The following SLC12A1 variants were observed in gnomAD, a reference collection of about 807,000 sequenced individuals.
SLC12A1 encodes Na-K-2Cl cotransporter.
Under a neutral mutation model 130.4 loss-of-function variants are expected in SLC12A1, and 89 were observed. The observed-to-expected ratio is 0.68, with a 90% CI of 0.58 to 0.81. The LOEUF is 0.81. Ranked by LOEUF, SLC12A1 falls within the 40% of genes least tolerant of loss-of-function variation. The pLI is 0.00. For synonymous variants in SLC12A1, 499 were observed against 460.0 expected, an observed-to-expected ratio of 1.08 and a Z score of -1.09; for missense variants, 1,310 against 1,336.4, an observed-to-expected ratio of 0.98 and a Z score of 0.31.
At chr15:48,294,767 C>G (rs1428931086) in intron 24 of SLC12A1, among the ~76,000 whole-genome samples, 2 of 152,176 alleles carry the variant, frequency 1.3e-5, no homozygotes, top group East Asian at 3.9e-4. Flanking sequence ...TAGGGCATAG[C>G]TGGCCAGTGC....
At chr15:48,295,708 T>C (rs991110070) in intron 24 of SLC12A1, among the ~76,000 whole-genome samples, 2 of 152,094 alleles carry the variant, frequency 1.3e-5, no homozygotes, top group African/African-American at 4.8e-5. Context: ...GGAAAAAAAA[T>C]CCATTCTTAC....
Position 48,291,960 on chromosome 15 carries a change from T to C in SLC12A1, c.2960+96T>C, listed in dbSNP as rs2042126284. The C allele has an allele frequency of 3.8e-6, 3 of 782,716 alleles. No individual in the cohort carries two copies. The Admixed American group carries it at 7.4e-5, about 19-fold the overall frequency. The allele number at this position is 782,716 out of a possible 1,614,324, so 48.5% of individuals were successfully genotyped here. A position where few individuals can be genotyped will look rare whatever the true frequency, so the allele number is the denominator to read the frequency against. On this transcript the variant is annotated intron_variant, in intron 24 of 26. Coordinates refer to ENST00000380993, the MANE Select transcript of SLC12A1 (RefSeq NM_000338.3). ...AACAGTAAAAATGTTATGTATTTACTGCAGCGACTTCTTGATAGGATCTAA... is the reference window on the plus strand; with the variant it reads ...AACAGTAAAAATGTTATGTATTTACCGCAGCGACTTCTTGATAGGATCTAA...
At chr15:48,290,865 T>C (rs1460514986) in intron 23 of SLC12A1, among the ~76,000 whole-genome samples, 1 of 152,182 alleles carries the variant, frequency 6.6e-6, no homozygotes, top group East Asian at 1.9e-4. Flanking sequence ...AAGCTGCCAA[T>C]ATTTTATTGG....
chr15:48,296,877 A>C (rs2042182364), intron 24 of SLC12A1, among the ~76,000 whole-genome samples: 1 of 152,190 alleles, frequency 6.6e-6, no homozygotes, highest in Admixed American at 6.5e-5. Context: ...AGACCAATCA[A>C]AGATGAACAC....
At chr15:48,280,549 A>G (rs1039820099) in intron 20 of SLC12A1, among the ~76,000 whole-genome samples, 3 of 152,024 alleles carry the variant, frequency 2.0e-5, no homozygotes, top group Admixed American at 1.3e-4. Flanking sequence ...ATCTCTATCT[A>G]TCTATCTCTA....
chr15:48,216,062 T>C (rs2041117041), intron 2 of SLC12A1, among the ~76,000 whole-genome samples: 1 of 152,176 alleles, frequency 6.6e-6, no homozygotes, highest in Non-Finnish European at 1.5e-5. Context: ...TTGGGGTTTT[T>C]TTCCCCTCTA....
rs1463916084 is a variant in SLC12A1 at position 48,269,759 on chromosome 15, C to G, written c.2397C>G (p.Ile799Met). Residue 799 changes from isoleucine to methionine, a missense_variant, in exon 19 of 27, where the codon ATC (isoleucine) becomes ATG (methionine). Physicochemically the swap from Ile to Met is conservative, Grantham distance 10. Transcript: ENST00000380993. ...PLTEIENYVGIIHDAFDFEIG... is the reference protein window; with the variant it reads ...PLTEIENYVGMIHDAFDFEIG... ...CAGAGATTGAGAACTACGTGGGAAT[C>G]ATACAGTAAGTGATGGCTTTCAAGA... 3.8e-6 allele frequency: 6 copies of G among 1,569,320 alleles called. No individual in the cohort carries two copies. Among genetic ancestry groups the G allele is most frequent in the African/African-American group, 1.4e-5 (1 of 74,046 alleles).
intron 8 of SLC12A1, among the ~76,000 whole-genome samples, chr15:48,233,172 G>A (rs1166258937): frequency 1.3e-5 from 2 of 152,178 alleles, no homozygotes; most frequent in East Asian, 3.8e-4. Context: ...TTGGATTCAG[G>A]AGACCCAAGG....
chr15:48,229,161 T>G, intron 5 of SLC12A1, 28 bp from the exon 6 acceptor site: 1 of 1,571,258 alleles, frequency 6.4e-7, no homozygotes, highest in Non-Finnish European at 8.6e-7. Context: ...AGTTCCTCAA[T>G]GTGAAGTATG....
chr15:48,301,965 T>C (rs1033958179), intron 26 of SLC12A1, among the ~76,000 whole-genome samples: 5 of 152,226 alleles, frequency 3.3e-5, no homozygotes, highest in African/African-American at 1.2e-4. Flanking sequence ...CCTCATGAAT[T>C]GACTCCTATG....
chr15:48,241,591 T>A lies in SLC12A1; in HGVS notation c.1292T>A (p.Ile431Asn). 1 of 1,612,512 alleles carries A rather than the reference T, an allele frequency of 6.2e-7. No individual in the cohort carries two copies. The highest frequency in any genetic ancestry group is 1.1e-5 in the South Asian group (1 of 91,044). The change falls in exon 10 of 27, where the codon ATT becomes AAT. Residue 431 changes from isoleucine (I) to asparagine (N), a missense_variant. Transcript: ENST00000380993. Reference sequence around the variant, plus strand: ...ACTGTTGCCTACTTAGGGGTTGCAATTTGTGTAGGTAAGTGGTACGTCTCC... The same window carrying A: ...ACTGTTGCCTACTTAGGGGTTGCAAATTGTGTAGGTAAGTGGTACGTCTCC... ...ITTVAYLGVAICVGACVVRDA... is the reference protein window; with the variant it reads ...ITTVAYLGVANCVGACVVRDA...
chr15:48,299,463 T>C (rs1443607354), intron 25 of SLC12A1, among the ~76,000 whole-genome samples, 188 bp downstream of exon 25: 3 of 152,230 alleles, frequency 2.0e-5, no homozygotes, highest in African/African-American at 7.2e-5. Context: ...CTTTTTCATT[T>C]TTTCCCATAA....
intron 7 of SLC12A1, among the ~76,000 whole-genome samples, 177 bp downstream of exon 7, chr15:48,230,680 T>A (rs1811239220): frequency 6.6e-6 from 1 of 152,250 alleles, no homozygotes; most frequent in South Asian, 2.1e-4. Flanking sequence ...CAGGCAGTCA[T>A]GATTCAGGGC....
chr15:48,245,169 G>C (rs1056536421), intron 11 of SLC12A1, among the ~76,000 whole-genome samples: 1 of 152,210 alleles, frequency 6.6e-6, no homozygotes, highest in Non-Finnish European at 1.5e-5. Context: ...TGTGTGTTCC[G>C]ATCAGTTGTG....
At chr15:48,235,743 C>T (rs2041432392) in intron 9 of SLC12A1, among the ~76,000 whole-genome samples, 1 of 152,042 alleles carries the variant, frequency 6.6e-6, no homozygotes, top group Non-Finnish European at 1.5e-5. Context: ...ATCCCGTAGG[C>T]CATCCAGTGG....
rs537777697 is a variant in SLC12A1 at position 48,287,912 on chromosome 15, G to A, written c.2630-131G>A. On this transcript the variant is annotated intron_variant, in intron 21 of 26. Transcript: ENST00000380993. Reference sequence around the variant, plus strand: ...TTATCTCTGCCTTTTGAAGAATACCGCTATTTATTTTAGGTATAATAAACA... The same window carrying A: ...TTATCTCTGCCTTTTGAAGAATACCACTATTTATTTTAGGTATAATAAACA... The A allele has an allele frequency of 7.5e-6, 7 of 928,196 alleles. No individual in the cohort carries two copies. The East Asian group carries it at 1.7e-4, about 22-fold the overall frequency. The allele number at this position is 928,196 out of a possible 1,614,324, so 57.5% of individuals were successfully genotyped here. A position where few individuals can be genotyped will look rare whatever the true frequency, so the allele number is the denominator to read the frequency against.
At chr15:48,221,983 C>T (rs1209998065) in intron 4 of SLC12A1, among the ~76,000 whole-genome samples, 1 of 152,148 alleles carries the variant, frequency 6.6e-6, no homozygotes, top group Non-Finnish European at 1.5e-5. Flanking sequence ...AAGGGCTAAG[C>T]TGTAAATTGA....
chr15:48,294,296 C>T (rs61999066), intron 24 of SLC12A1, among the ~76,000 whole-genome samples: 3 of 144,726 alleles, frequency 2.1e-5, no homozygotes, highest in African/African-American at 7.8e-5. Flanking sequence ...TGCAGTGAGC[C>T]GAGATCGCAC....
In SLC12A1 at chr15:48,274,662, T is replaced by G. The variant is rs1853558202; in HGVS notation, c.2485+9T>G. 4 of 1,595,452 alleles carry G rather than the reference T, an allele frequency of 2.5e-6. No homozygotes were observed. The South Asian group carries it at 4.4e-5, about 18-fold the overall frequency. On this transcript the variant is annotated intron_variant, in intron 20 of 26. Coordinates refer to ENST00000380993, the MANE Select transcript of SLC12A1 (RefSeq NM_000338.3). ...GGTTCTTCAGGTGCAAGGTATGTAC[T>G]TTCTTTATTCAACCAACAAGTATTT...
Sources: allele counts gnomAD v4.1 joint callset (sites outside exome capture counted in the v4.1 genomes callset), GRCh38; gene constraint gnomAD v4.1.1; transcripts MANE v1.5; gene names NCBI Gene and HGNC (gene_info 2026-07-23, HGNC 2026-07-21).